The following BRINP3 variants were observed in gnomAD, a reference collection of about 807,000 sequenced individuals.
The protein encoded by BRINP3 is BMP/retinoic acid inducible neural specific 3.
BRINP3 carries 19 observed loss-of-function variants against 71.0 expected under a neutral mutation model. That is an observed-to-expected ratio of 0.27 (90% confidence interval 0.19 to 0.39). BRINP3 has a LOEUF of 0.39. Ranked by LOEUF, BRINP3 falls within the 10% of genes least tolerant of loss-of-function variation. The pLI is 1.00. For synonymous variants in BRINP3, 380 were observed against 337.7 expected, an observed-to-expected ratio of 1.13 and a Z score of -1.37; for missense variants, 959 against 940.8, an observed-to-expected ratio of 1.02 and a Z score of -0.25.
chr1:190,411,858 T>C (rs1003842779), intron 2 of BRINP3, among the ~76,000 whole-genome samples: 1 of 152,112 alleles, frequency 6.6e-6, no homozygotes, highest in Non-Finnish European at 1.5e-5. Flanking sequence ...TCCTAAGAGC[T>C]TGAAAAGATG....
chr1:190,410,814 C>A (rs1225104190), intron 2 of BRINP3, among the ~76,000 whole-genome samples: 1 of 152,014 alleles, frequency 6.6e-6, no homozygotes, highest in Non-Finnish European at 1.5e-5. Flanking sequence ...ATGACTCTAA[C>A]AAGAGTTATT....
intron 2 of BRINP3, among the ~76,000 whole-genome samples, chr1:190,438,508 T>C (rs1674615001): frequency 1.3e-5 from 2 of 151,878 alleles, no homozygotes; most frequent in East Asian, 3.9e-4. Flanking sequence ...ACTTATACTG[T>C]AGCTATAAAA....
intron 7 of BRINP3, among the ~76,000 whole-genome samples, chr1:190,106,487 G>T (rs1652178054): frequency 6.6e-6 from 1 of 151,168 alleles, no homozygotes; most frequent in Non-Finnish European, 1.5e-5. Context: ...TTTTTAAAAG[G>T]TCATTTCATT....
Position 190,234,485 on chromosome 1 carries a change from A to G in BRINP3, c.619-8T>C. On this transcript the variant is annotated splice_polypyrimidine_tract_variant and splice_region_variant and intron_variant, in intron 4 of 7. Transcript: ENST00000367462. ...AGTCCGTGTTTCTGTTACCTGGCAA[A>G]CAAAACATCAACTTTATTATCTAAA... is the stretch of plus-strand genomic sequence containing the variant. The G allele has an allele frequency of 1.3e-6, 2 of 1,595,582 alleles. No individual in the cohort carries two copies. Among genetic ancestry groups the G allele is most frequent in the Non-Finnish European group, 1.7e-6 (2 of 1,164,012 alleles).
At chr1:190,258,717 G>C (rs1337037327) in intron 4 of BRINP3, among the ~76,000 whole-genome samples, 1 of 152,186 alleles carries the variant, frequency 6.6e-6, no homozygotes, top group Non-Finnish European at 1.5e-5. Context: ...ACTTTCTTAA[G>C]TGATGACCTT....
chr1:190,300,249 C>A (rs1163742894), intron 2 of BRINP3, among the ~76,000 whole-genome samples: 1 of 152,052 alleles, frequency 6.6e-6, no homozygotes, highest in Non-Finnish European at 1.5e-5. Flanking sequence ...TTGCTTGTTT[C>A]TTTTTATTCT....
At chr1:190,122,147 T>TTTTAGTATCA (rs946489528) in intron 7 of BRINP3, among the ~76,000 whole-genome samples, 17 of 152,170 alleles carry the variant, frequency 1.1e-4, no homozygotes, top group African/African-American at 4.1e-4. Flanking sequence ...CCTTCTCTCT[T>TTTTAGTATCA]TTTAGTATCA....
rs139918147 is a variant in BRINP3, at chr1:190,334,527, T to C, written c.237-52777A>G. Among the ~76,000 whole-genome samples, 209 of 151,940 alleles carry C rather than the reference T, an allele frequency of 1.4e-3. 1 individual carries two copies. Among genetic ancestry groups the C allele is most frequent in the African/African-American group, 4.8e-3 (200 of 41,530 alleles). On this transcript the variant is annotated intron_variant, in intron 2 of 7. Coordinates refer to ENST00000367462, the MANE Select transcript of BRINP3 (RefSeq NM_199051.3). ...TGTATTTCCCCTTATTTGAGGTGCA[T>C]GACTCTTATCCTTGAATAAGGTGAG...
At position 190,097,916 on chromosome 1, in the gene BRINP3, T is replaced by C. The variant is rs1289963781; in HGVS notation, c.*102A>G. On this transcript the variant is annotated 3_prime_UTR_variant, in exon 8 of 8. Transcript: ENST00000367462. ...ATGTTATTGACTGATATAAGACAGATATTGAAAAGACAATTTAAATTTACT... is the reference window on the plus strand; with the variant it reads ...ATGTTATTGACTGATATAAGACAGACATTGAAAAGACAATTTAAATTTACT... 5.6e-6 allele frequency: 7 copies of C among 1,250,778 alleles called. No individual in the cohort carries two copies. Among genetic ancestry groups the C allele is most frequent in the Middle Eastern group, 2.4e-4 (1 of 4,170 alleles). 77.5% of individuals were successfully genotyped at this position (1,250,778 alleles called of 1,614,324 possible). A position where few individuals can be genotyped will look rare whatever the true frequency, so the allele number is the denominator to read the frequency against.
intron 2 of BRINP3, among the ~76,000 whole-genome samples, chr1:190,289,879 T>TA (rs941152755): frequency 6.6e-5 from 10 of 152,056 alleles, no homozygotes; most frequent in African/African-American, 2.2e-4. Context: ...TCTGTGAACT[T>TA]ACTTGTGTCA....
At chr1:190,184,801 T>C (rs1462611288) in intron 6 of BRINP3, among the ~76,000 whole-genome samples, 2 of 152,092 alleles carry the variant, frequency 1.3e-5, no homozygotes, top group Non-Finnish European at 2.9e-5. Context: ...ATTCACTACC[T>C]GGGTGATGGG....
intron 6 of BRINP3, among the ~76,000 whole-genome samples, chr1:190,192,173 G>C (rs964770416): frequency 1.3e-5 from 2 of 152,088 alleles, no homozygotes; most frequent in African/African-American, 4.8e-5. Context: ...AAACAAAGTA[G>C]ATAGCAAATA....
chr1:190,122,108 A>C (rs1446733878), intron 7 of BRINP3, among the ~76,000 whole-genome samples: 1 of 152,150 alleles, frequency 6.6e-6, no homozygotes, highest in African/African-American at 2.4e-5. Flanking sequence ...TATACCATCA[A>C]CTTTAATTTG....
At chr1:190,348,818 T>C (rs1668187600) in intron 2 of BRINP3, among the ~76,000 whole-genome samples, 2 of 152,114 alleles carry the variant, frequency 1.3e-5, no homozygotes, top group South Asian at 2.1e-4. Context: ...TTAACCTTAT[T>C]TAACACAGCT....
intron 6 of BRINP3, among the ~76,000 whole-genome samples, chr1:190,168,476 T>G (rs2102487865): frequency 6.6e-6 from 1 of 152,296 alleles, no homozygotes; most frequent in East Asian, 1.9e-4. Flanking sequence ...TAAATTCAAT[T>G]TCTCCTATAT....
At chr1:190,394,241 T>G (rs1055827760) in intron 2 of BRINP3, among the ~76,000 whole-genome samples, 1 of 151,562 alleles carries the variant, frequency 6.6e-6, no homozygotes, top group Non-Finnish European at 1.5e-5. Flanking sequence ...CTTCTCTCTC[T>G]TTTCACTTAT....
chr1:190,377,209 T>C (rs1476952606), intron 2 of BRINP3, among the ~76,000 whole-genome samples: 1 of 152,070 alleles, frequency 6.6e-6, no homozygotes, highest in Non-Finnish European at 1.5e-5. Context: ...CATCCACATA[T>C]ATCTCTAATC....
chr1:190,196,810 A>T (rs1415963172), intron 6 of BRINP3, among the ~76,000 whole-genome samples: 3 of 151,936 alleles, frequency 2.0e-5, no homozygotes, highest in Non-Finnish European at 2.9e-5. Context: ...GTCATCTATG[A>T]GTGGAGTCCA....
At chr1:190,168,673 T>G (rs930378260) in intron 6 of BRINP3, among the ~76,000 whole-genome samples, 1 of 152,206 alleles carries the variant, frequency 6.6e-6, no homozygotes, top group South Asian at 2.1e-4. Context: ...TTACATTGCT[T>G]GTTTTTCATG....
Sources: allele counts gnomAD v4.1 joint callset (sites outside exome capture counted in the v4.1 genomes callset), GRCh38; gene constraint gnomAD v4.1.1; transcripts MANE v1.5; gene names NCBI Gene and HGNC (gene_info 2026-07-23, HGNC 2026-07-21).